PTPRM: variants seen among roughly 807,000 people sequenced by gnomAD.
PTPRM encodes the protein receptor-type tyrosine-protein phosphatase mu.
A neutral mutation model predicts 186.7 loss-of-function variants in PTPRM; 47 were observed. The ratio of observed to expected loss-of-function variants is 0.25; its 90% CI spans 0.20 to 0.32. PTPRM has a LOEUF of 0.32. PTPRM is among the 10% of genes least tolerant of loss of function. The probability of loss-of-function intolerance (pLI) is 1.00; values close to 1 mark genes in which losing one functional copy is unlikely to be tolerated. For synonymous variants in PTPRM, 668 were observed against 674.9 expected, an observed-to-expected ratio of 0.99 and a Z score of 0.16; for missense variants, 1,494 against 1,865.0, an observed-to-expected ratio of 0.80 and a Z score of 3.66.
chr18:8,332,299 A>C (rs1016222737), intron 22 of PTPRM, among the ~76,000 whole-genome samples: 3 of 152,230 alleles, frequency 2.0e-5, no homozygotes, highest in African/African-American at 7.2e-5. Flanking sequence ...TATTATAGAC[A>C]GAGGTTTCCC....
intron 1 of PTPRM, among the ~76,000 whole-genome samples, chr18:7,585,820 T>C (rs937273147): frequency 2.0e-5 from 3 of 152,168 alleles, no homozygotes; most frequent in Admixed American, 6.5e-5. Flanking sequence ...TTCATTCACA[T>C]AGAGTGAATT....
chr18:8,282,940 A>T (rs1356679457), intron 19 of PTPRM, among the ~76,000 whole-genome samples: 2 of 152,328 alleles, frequency 1.3e-5, no homozygotes, highest in Admixed American at 6.5e-5. Flanking sequence ...AACAACTTGG[A>T]TGGATCTCAA....
At chr18:8,224,965 G>C (rs7241698) in intron 14 of PTPRM, among the ~76,000 whole-genome samples, 80,357 of 151,970 alleles carry the variant, frequency 0.53, 21,726 homozygotes, top group Middle Eastern at 0.74. Context: ...AACTTGATTA[G>C]CGAGTTGCAG....
chr18:8,011,007 G>A (rs563379337), intron 7 of PTPRM, among the ~76,000 whole-genome samples: 3 of 152,274 alleles, frequency 2.0e-5, no homozygotes, highest in African/African-American at 7.2e-5. Flanking sequence ...AAGAGGCATT[G>A]ATGAACCCAG....
chr18:7,586,223 G>A (rs778196700), intron 1 of PTPRM, among the ~76,000 whole-genome samples: 13 of 152,166 alleles, frequency 8.5e-5, no homozygotes, highest in Non-Finnish European at 1.8e-4. Flanking sequence ...ATACATCGTG[G>A]GCTTAACCTG....
chr18:8,174,023 G>A (rs921178955), intron 14 of PTPRM, among the ~76,000 whole-genome samples: 3 of 150,368 alleles, frequency 2.0e-5, no homozygotes, highest in Admixed American at 6.6e-5. Context: ...CTGAGATCAC[G>A]CCACTGCACT....
At chr18:8,372,931 T>C (rs1371737010) in intron 24 of PTPRM, among the ~76,000 whole-genome samples, 2 of 152,082 alleles carry the variant, frequency 1.3e-5, no homozygotes, top group East Asian at 3.8e-4. Context: ...GAAGGGTTTG[T>C]TTGTTTCTTT....
At chr18:7,834,756 A>G (rs1199844003) in intron 2 of PTPRM, among the ~76,000 whole-genome samples, 4 of 151,770 alleles carry the variant, frequency 2.6e-5, no homozygotes, top group African/African-American at 9.7e-5. Flanking sequence ...TTTCTTTACT[A>G]TAAGGCTTTT....
intron 29 of PTPRM, among the ~76,000 whole-genome samples, chr18:8,382,887 A>C (rs982851012): frequency 2.0e-5 from 3 of 152,202 alleles, no homozygotes; most frequent in African/African-American, 7.2e-5. Context: ...CATTCTGCAT[A>C]AAATTAGGTG....
chr18:7,873,106 T>C (rs2048058990), intron 2 of PTPRM, among the ~76,000 whole-genome samples: 1 of 152,214 alleles, frequency 6.6e-6, no homozygotes, highest in East Asian at 1.9e-4. Flanking sequence ...TTCTTTTGTT[T>C]CCTTGAGAAG....
intron 9 of PTPRM, among the ~76,000 whole-genome samples, chr18:8,078,102 A>T (rs1196227838): frequency 6.6e-6 from 1 of 152,194 alleles, no homozygotes. Flanking sequence ...GAAATATGTG[A>T]TCCAGGCCAA....
At chr18:7,578,440 A>G (rs1198832132) in intron 1 of PTPRM, among the ~76,000 whole-genome samples, 1 of 145,926 alleles carries the variant, frequency 6.9e-6, no homozygotes, top group Non-Finnish European at 1.5e-5. Flanking sequence ...GGTTCATGCC[A>G]TTCTCCTGCC....
At chr18:8,088,905 G>T in intron 11 of PTPRM, 54 bp downstream of exon 11, 1 of 1,327,912 alleles carries the variant, frequency 7.5e-7, no homozygotes, top group South Asian at 1.2e-5. Context: ...AAATCAAGTT[G>T]ATTAATTCCT....
chr18:8,118,169 G>A (rs993559089), intron 13 of PTPRM, among the ~76,000 whole-genome samples: 2 of 152,144 alleles, frequency 1.3e-5, no homozygotes, highest in Non-Finnish European at 2.9e-5. Flanking sequence ...GTAACAATCA[G>A]TTTAAAGTAT....
chr18:7,908,080 G>C (rs1308787100), intron 4 of PTPRM, among the ~76,000 whole-genome samples: 1 of 152,138 alleles, frequency 6.6e-6, no homozygotes, highest in East Asian at 1.9e-4. Context: ...AGCCTCAGTG[G>C]AGTGTGTTCT....
chr18:7,933,289 GAA>G (rs2051597706), intron 5 of PTPRM, among the ~76,000 whole-genome samples: 2 of 151,768 alleles, frequency 1.3e-5, no homozygotes, highest in Admixed American at 6.6e-5. Context: ...AATAAGGAAA[GAA>G]AAAAATTGTA....
At chr18:8,082,066 A>T (rs2090157732) in intron 9 of PTPRM, among the ~76,000 whole-genome samples, 1 of 152,018 alleles carries the variant, frequency 6.6e-6, no homozygotes, top group African/African-American at 2.4e-5. Context: ...TGGAGCAAAG[A>T]TCCCACTTGT....
At chr18:7,728,836 C>T (rs189408298) in intron 1 of PTPRM, among the ~76,000 whole-genome samples, 15 of 152,186 alleles carry the variant, frequency 9.9e-5, no homozygotes, top group Middle Eastern at 6.8e-3. Context: ...GTAAACTCTA[C>T]CTCAATGTAA....
chr18:7,694,488 G>A (rs1469761880), intron 1 of PTPRM, among the ~76,000 whole-genome samples: 2 of 148,350 alleles, frequency 1.3e-5, no homozygotes, highest in Non-Finnish European at 3.0e-5. Flanking sequence ...CTGCGGTAGT[G>A]CGGTCTTGGC....
Sources: gnomAD v4.1 joint callset for allele counts (sites outside exome capture counted in the v4.1 genomes callset) on GRCh38, gnomAD v4.1.1 for gene constraint, MANE v1.5 for transcripts, NCBI Gene and HGNC (gene_info 2026-07-23, HGNC 2026-07-21) for gene names.